Variants in THSD7B observed in about 807,000 individuals in gnomAD.
THSD7B encodes thrombospondin type-1 domain-containing protein 7B.
THSD7B carries 138 observed loss-of-function variants against 213.6 expected under a neutral mutation model. The ratio of observed to expected loss-of-function variants is 0.65; its 90% CI spans 0.56 to 0.74. The LOEUF is 0.74. THSD7B is among the 30% of genes least tolerant of loss of function. The pLI is 0.00. For missense variants in THSD7B, 1,931 were observed against 1,991.5 expected, an observed-to-expected ratio of 0.97 and a Z score of 0.58; for synonymous variants, 742 against 687.0, an observed-to-expected ratio of 1.08 and a Z score of -1.25.
At chr2:137,012,794 A>G (rs1558886617) in intron 2 of THSD7B, among the ~76,000 whole-genome samples, 1 of 152,264 alleles carries the variant, frequency 6.6e-6, no homozygotes. Flanking sequence ...TGCTTTTAAC[A>G]GAGTGCTTAA....
rs572682020 is a variant in THSD7B, at chr2:137,142,775, A to G, written c.1370-17438A>G. Among the ~76,000 whole-genome samples, 4 of 152,274 alleles carry G rather than the reference A, an allele frequency of 2.6e-5. No individual in the cohort carries two copies. In the South Asian group the frequency reaches 8.3e-4, roughly 32 times the overall value. On this transcript the variant is annotated intron_variant, in intron 5 of 27. Coordinates refer to ENST00000409968, the MANE Select transcript of THSD7B (RefSeq NM_001316349.2). ...AATATTTAGAGTTTTGCAATTCTAAATATGACTTGATTGTTATTTATGTTA... is the reference window on the plus strand; with the variant it reads ...AATATTTAGAGTTTTGCAATTCTAAGTATGACTTGATTGTTATTTATGTTA...
intron 15 of THSD7B, among the ~76,000 whole-genome samples, chr2:137,505,203 C>T (rs1679806935): frequency 6.6e-6 from 1 of 152,186 alleles, no homozygotes; most frequent in South Asian, 2.1e-4. Flanking sequence ...CTGGGAGCAA[C>T]CCACAAGAAG....
chr2:137,151,779 C>G (rs796509860), intron 5 of THSD7B, among the ~76,000 whole-genome samples: 3 of 152,116 alleles, frequency 2.0e-5, no homozygotes, highest in Admixed American at 1.3e-4. Flanking sequence ...ATACCAGCAT[C>G]GCCACAAATG....
chr2:137,425,464 ACCT>A, intron 14 of THSD7B, among the ~76,000 whole-genome samples: 1 of 152,190 alleles, frequency 6.6e-6, no homozygotes, highest in Non-Finnish European at 1.5e-5. Flanking sequence ...TGATCCGCCC[ACCT>A]CAGCCTCCCA....
chr2:137,526,292 A>G (rs574030321), intron 15 of THSD7B, among the ~76,000 whole-genome samples: 30 of 152,196 alleles, frequency 2.0e-4, no homozygotes, highest in Non-Finnish European at 3.7e-4. Context: ...AAGTCCATTT[A>G]TTAATATTTG....
At chr2:137,362,360 T>C (rs911257482) in intron 12 of THSD7B, among the ~76,000 whole-genome samples, 11 of 152,118 alleles carry the variant, frequency 7.2e-5, no homozygotes, top group South Asian at 2.1e-4. Flanking sequence ...ATCATAATGA[T>C]GGGATCAAAT....
chr2:137,336,814 G>A (rs1201860858), intron 12 of THSD7B, among the ~76,000 whole-genome samples: 1 of 152,036 alleles, frequency 6.6e-6, no homozygotes, highest in Non-Finnish European at 1.5e-5. Context: ...TTTTTTAAAA[G>A]TATTCAAAAA....
chr2:136,948,571 G>A (rs1298300025), intron 2 of THSD7B, among the ~76,000 whole-genome samples: 3 of 152,128 alleles, frequency 2.0e-5, no homozygotes, highest in East Asian at 1.9e-4. Context: ...GGTGACATTC[G>A]GGAAGTTTAC....
At chr2:137,353,545 CAAAGAATGAGA>C (rs1685061683) in intron 12 of THSD7B, among the ~76,000 whole-genome samples, 1 of 152,072 alleles carries the variant, frequency 6.6e-6, no homozygotes, top group African/African-American at 2.4e-5. Flanking sequence ...CCTAAAATAA[CAAAGAATGAGA>C]AAAGAATGAG....
chr2:137,087,376 G>C (rs956965035), intron 3 of THSD7B, among the ~76,000 whole-genome samples: 2 of 152,084 alleles, frequency 1.3e-5, no homozygotes, highest in African/African-American at 4.8e-5. Flanking sequence ...CCAGCCTGTC[G>C]CTATTTGCCG....
At chr2:136,843,611 G>A (rs1453489564) in intron 1 of THSD7B, among the ~76,000 whole-genome samples, 2 of 152,196 alleles carry the variant, frequency 1.3e-5, no homozygotes, top group Non-Finnish European at 1.5e-5. Context: ...AGACAGGCAT[G>A]TGTAGAACCA....
intron 5 of THSD7B, among the ~76,000 whole-genome samples, chr2:137,120,416 G>A (rs183293283): frequency 9.2e-4 from 139 of 151,428 alleles, no homozygotes; most frequent in Non-Finnish European, 1.0e-3. Flanking sequence ...GAAGAGGAAC[G>A]GAAGTGGAGG....
chr2:137,361,498 G>A (rs941895604), intron 12 of THSD7B, among the ~76,000 whole-genome samples: 11 of 152,100 alleles, frequency 7.2e-5, no homozygotes, highest in African/African-American at 1.2e-4. Flanking sequence ...AAGATTAGAC[G>A]AATGGCTAAC....
intron 7 of THSD7B, among the ~76,000 whole-genome samples, chr2:137,227,474 G>A (rs1681535220): frequency 6.6e-6 from 1 of 152,096 alleles, no homozygotes; most frequent in South Asian, 2.1e-4. Context: ...CACTTTTAAT[G>A]GCTAAGCTTC....
chr2:137,129,854 C>T (rs751087296), intron 5 of THSD7B, among the ~76,000 whole-genome samples: 24 of 152,200 alleles, frequency 1.6e-4, no homozygotes, highest in Non-Finnish European at 2.8e-4. Context: ...GGGGTCCTAA[C>T]TTATGAAATA....
At chr2:137,184,317 T>G (rs1680511109) in intron 7 of THSD7B, among the ~76,000 whole-genome samples, 1 of 152,150 alleles carries the variant, frequency 6.6e-6, no homozygotes, top group Non-Finnish European at 1.5e-5. Flanking sequence ...TAATGGCCCC[T>G]CTTCTTAATA....
intron 12 of THSD7B, among the ~76,000 whole-genome samples, chr2:137,335,452 T>C (rs1426786569): frequency 1.3e-5 from 2 of 152,208 alleles, no homozygotes; most frequent in Non-Finnish European, 2.9e-5. Context: ...AATTCCTGTT[T>C]CTTTTATTTT....
At chr2:136,767,961 C>T (rs192096389) in intron 1 of THSD7B, among the ~76,000 whole-genome samples, 1 of 152,222 alleles carries the variant, frequency 6.6e-6, no homozygotes, top group African/African-American at 2.4e-5. Context: ...AGTTGAAAGG[C>T]TAAGAAAGAG....
In THSD7B at chr2:136,956,773, G is replaced by A. The variant is rs186231115; in HGVS notation, c.139+74456G>A. ...CAGGTCACTGCAACCTCTGCCTCCC[G>A]GGTTCAAGTGATTCTCCTGCCTCAG... On this transcript the variant is annotated intron_variant, in intron 2 of 27. Coordinates refer to ENST00000409968, the MANE Select transcript of THSD7B (RefSeq NM_001316349.2). 2.1e-3 allele frequency among the ~76,000 whole-genome samples: 313 copies of A among 151,084 alleles called. 2 individuals carry two copies. The highest frequency in any genetic ancestry group is 6.4e-3 in the African/African-American group (262 of 41,118).
Sources: allele counts gnomAD v4.1 joint callset (sites outside exome capture counted in the v4.1 genomes callset), GRCh38; gene constraint gnomAD v4.1.1; transcripts MANE v1.5; gene names NCBI Gene and HGNC (gene_info 2026-07-23, HGNC 2026-07-21).